DIAPH2: variants seen among roughly 807,000 people sequenced by gnomAD.
DIAPH2 encodes the protein protein diaphanous homolog 2.
In DIAPH2, 35 loss-of-function variants were observed where a neutral mutation model predicts 92.7. The ratio of observed to expected loss-of-function variants is 0.38; its 90% CI spans 0.29 to 0.50. DIAPH2 has a LOEUF of 0.50. Ranked by LOEUF, DIAPH2 falls within the 20% of genes least tolerant of loss-of-function variation. The probability of loss-of-function intolerance (pLI) is 0.94; values close to 1 mark genes in which losing one functional copy is unlikely to be tolerated. For synonymous variants in DIAPH2, 301 were observed against 280.4 expected (o/e 1.07, Z -0.73); for missense variants, 701 against 819.5 (o/e 0.86, Z 1.77).
At chrX:97,038,232 C>G (rs746498818) in intron 17 of DIAPH2, among the ~76,000 whole-genome samples, 1 of 111,819 alleles carries the variant, frequency 8.9e-6, no homozygotes, top group Non-Finnish European at 1.9e-5. Context: ...TACACACACA[C>G]ACACACCACA....
chrX:97,488,456 G>A (rs972061568), intron 26 of DIAPH2, among the ~76,000 whole-genome samples: 2 of 111,937 alleles, frequency 1.8e-5, no homozygotes, highest in East Asian at 2.8e-4. Flanking sequence ...TTAGTTTTAT[G>A]TAATCTCACT....
At chrX:97,295,122 T>C (rs776700019) in intron 23 of DIAPH2, among the ~76,000 whole-genome samples, 122 of 111,815 alleles carry the variant, frequency 1.1e-3, no homozygotes, top group African/African-American at 3.1e-3. Context: ...TCCTCTGGAA[T>C]CTATTTCTTT....
At chrX:97,268,729 C>CA (rs770589925) in intron 23 of DIAPH2, among the ~76,000 whole-genome samples, 4 of 111,547 alleles carry the variant, frequency 3.6e-5, no homozygotes, top group Non-Finnish European at 5.6e-5. Flanking sequence ...GTAAATACTG[C>CA]ATATAAAATG....
chrX:97,558,567 G>A (rs1328950982), intron 26 of DIAPH2, among the ~76,000 whole-genome samples: 3 of 111,373 alleles, frequency 2.7e-5, no homozygotes, highest in Non-Finnish European at 5.6e-5. Flanking sequence ...TATGATGTAC[G>A]ATCCACTGAT....
chrX:96,998,305 T>TA lies in DIAPH2; in HGVS notation c.2050+33102dup, dbSNP rs769555171. 3.6e-5 allele frequency among the ~76,000 whole-genome samples: 4 copies of TA among 111,681 alleles called. No individual in the cohort carries two copies. In the South Asian group the frequency reaches 1.5e-3, roughly 42 times the overall value. ...TCACAAAATAAGGAGAAAAAATACCTAAAATCTATTTCATATTTTCTGTCA... is the reference window on the plus strand; with the variant it reads ...TCACAAAATAAGGAGAAAAAATACCTAAAAATCTATTTCATATTTTCTGTCA... On this transcript the variant is annotated intron_variant, in intron 17 of 26. Transcript: ENST00000324765.
At chrX:96,884,050 A>G in intron 5 of DIAPH2, 1 of 301,608 alleles carries the variant, frequency 3.3e-6, no homozygotes, top group Non-Finnish European at 5.8e-6. Context: ...AACCACTGAC[A>G]CACAGGGAAG....
chrX:97,285,025 T>A (rs1256242833), intron 23 of DIAPH2, among the ~76,000 whole-genome samples: 1 of 111,628 alleles, frequency 9.0e-6, no homozygotes, highest in Admixed American at 9.6e-5. Context: ...TTAACCTAGC[T>A]GCAAGATTAC....
intron 3 of DIAPH2, among the ~76,000 whole-genome samples, chrX:96,756,634 AG>A (rs968085801): frequency 1.8e-5 from 2 of 111,602 alleles, no homozygotes; most frequent in Non-Finnish European, 3.8e-5. Flanking sequence ...CATTTTGCTT[AG>A]GTATGTAAGC....
intron 24 of DIAPH2, among the ~76,000 whole-genome samples, chrX:97,360,492 C>T (rs958758111): frequency 1.8e-5 from 2 of 108,915 alleles, no homozygotes; most frequent in Non-Finnish European, 3.8e-5. Context: ...GGCATAGTGC[C>T]GGGCGCCTAT....
At chrX:97,415,714 G>T (rs1385315970) in intron 25 of DIAPH2, among the ~76,000 whole-genome samples, 1 of 101,374 alleles carries the variant, frequency 9.9e-6, no homozygotes, top group African/African-American at 3.6e-5. Flanking sequence ...GGGGTGGGGG[G>T]CAGGGGGAGG....
Position 96,884,525 on chromosome X carries a change from C to T in DIAPH2, c.587+2807C>T, listed in dbSNP as rs2065244219. On this transcript the variant is annotated intron_variant, in intron 5 of 26. Coordinates refer to ENST00000324765, the MANE Select transcript of DIAPH2 (RefSeq NM_006729.5). ...TTCAAGGTTAGGGGAATTATAGTTT[C>T]CCAGGTCTCCATCGTGGGGGTAATC... The T allele has an allele frequency of 5.8e-6, 7 of 1,208,259 alleles. No individual in the cohort carries two copies. The Admixed American group carries it at 6.6e-5, about 11-fold the overall frequency.
chrX:97,129,387 G>A lies in DIAPH2; in HGVS notation c.2590-12278G>A, dbSNP rs750443408. Among the ~76,000 whole-genome samples the A allele has an allele frequency of 6.4e-5, 7 of 109,104 alleles. No individual in the cohort carries two copies. In the South Asian group the frequency reaches 1.2e-3, roughly 19 times the overall value. 94.7% of individuals were successfully genotyped at this position (109,104 alleles called of 115,157 possible). ...TCACCATATAGGGCAGGGTGGTCTC[G>A]AACTCCTGACCGCGTGATCCACCCA... On this transcript the variant is annotated intron_variant, in intron 21 of 26. Coordinates refer to ENST00000324765, the MANE Select transcript of DIAPH2 (RefSeq NM_006729.5).
intron 23 of DIAPH2, among the ~76,000 whole-genome samples, chrX:97,295,151 C>T (rs1402603402): frequency 8.9e-6 from 1 of 111,826 alleles, no homozygotes; most frequent in East Asian, 2.8e-4. Context: ...CCATCACTTT[C>T]CTTAGTTATA....
intron 17 of DIAPH2, among the ~76,000 whole-genome samples, chrX:96,986,654 A>T (rs928725982): frequency 9.0e-6 from 1 of 111,697 alleles, no homozygotes. Flanking sequence ...GAAATACAAG[A>T]TTTAAGGCAT....
At chrX:97,283,536 C>A in intron 23 of DIAPH2, among the ~76,000 whole-genome samples, 1 of 112,422 alleles carries the variant, frequency 8.9e-6, no homozygotes, top group Admixed American at 9.4e-5. Flanking sequence ...GGACTACTCC[C>A]TAGACATGAG....
rs1773266797 is a variant in DIAPH2, at chrX:97,500,801, T to TATAC, written c.3241+71058_3241+71059insACAT. Among the ~76,000 whole-genome samples the TATAC allele has an allele frequency of 3.5e-5, 3 of 84,549 alleles. No homozygotes were observed. In the South Asian group the frequency reaches 1.9e-3, roughly 55 times the overall value. The allele number at this position is 84,549 out of a possible 115,157, so 73.4% of individuals were successfully genotyped here. On this transcript the variant is annotated intron_variant, in intron 26 of 26. Transcript: ENST00000324765. ...ATATATATATATATATATATATATA[T>TATAC]ATCCTTGCAAGTGCATTCTAGGGCT...
intron 17 of DIAPH2, among the ~76,000 whole-genome samples, chrX:96,990,559 AT>A (rs199590210): frequency 1.1e-4 from 12 of 109,145 alleles, no homozygotes; most frequent in Admixed American, 2.0e-4. Context: ...TGTTTTTTAA[AT>A]TTTTTTTTCG....
intron 26 of DIAPH2, among the ~76,000 whole-genome samples, chrX:97,505,042 T>A (rs1319362639): frequency 2.7e-5 from 3 of 112,510 alleles, no homozygotes; most frequent in African/African-American, 9.7e-5. Context: ...TAGTCTTTCC[T>A]AATTGGAAAT....
intron 17 of DIAPH2, among the ~76,000 whole-genome samples, chrX:97,050,683 G>A (rs2066514209): frequency 9.0e-6 from 1 of 110,544 alleles, no homozygotes; most frequent in Non-Finnish European, 1.9e-5. Context: ...CATTAAACTA[G>A]ATCATTGCCT....
Sources: gnomAD v4.1 joint callset for allele counts (sites outside exome capture counted in the v4.1 genomes callset) on GRCh38, gnomAD v4.1.1 for gene constraint, MANE v1.5 for transcripts, NCBI Gene and HGNC (gene_info 2026-07-23, HGNC 2026-07-21) for gene names.